Variants in RSRC1 observed in about 807,000 individuals in gnomAD.
RSRC1 encodes the protein arginine and serine rich coiled-coil 1.
In RSRC1, 39 loss-of-function variants were observed where a neutral mutation model predicts 49.1. The ratio of observed to expected loss-of-function variants is 0.79; its 90% CI spans 0.61 to 1.04. The LOEUF is 1.04. RSRC1 is among the 50% of genes least tolerant of loss of function. The pLI is 0.00. For missense variants in RSRC1, 388 were observed against 402.4 expected, an observed-to-expected ratio of 0.96 and a Z score of 0.31; for synonymous variants, 143 against 130.8, an observed-to-expected ratio of 1.09 and a Z score of -0.63.
At chr3:158,348,556 GT>G (rs1170879403) in intron 5 of RSRC1, among the ~76,000 whole-genome samples, 3 of 149,786 alleles carry the variant, frequency 2.0e-5, no homozygotes, top group African/African-American at 7.3e-5. Flanking sequence ...AATCTTAGAA[GT>G]TTTTGTGTGT....
At chr3:158,490,734 G>T (rs571583573) in intron 7 of RSRC1, among the ~76,000 whole-genome samples, 1 of 152,162 alleles carries the variant, frequency 6.6e-6, no homozygotes, top group Admixed American at 6.5e-5. Flanking sequence ...TGAATGGAGA[G>T]AAATTTGTGC....
At chr3:158,424,473 C>T (rs1156404951) in intron 6 of RSRC1, among the ~76,000 whole-genome samples, 18 of 150,542 alleles carry the variant, frequency 1.2e-4, no homozygotes, top group South Asian at 6.4e-4. Context: ...CTGCTGGATT[C>T]GGTTTGCCAG....
intron 7 of RSRC1, among the ~76,000 whole-genome samples, chr3:158,510,981 C>G (rs1740135339): frequency 6.6e-6 from 1 of 152,038 alleles, no homozygotes; most frequent in South Asian, 2.1e-4. Context: ...AGAATAATGT[C>G]TTTATGATAT....
chr3:158,291,635 AT>A (rs1199512463), intron 4 of RSRC1, among the ~76,000 whole-genome samples: 2 of 152,228 alleles, frequency 1.3e-5, no homozygotes, highest in Non-Finnish European at 2.9e-5. Flanking sequence ...CTAAGCTAAT[AT>A]TTTGACAAAT....
intron 4 of RSRC1, among the ~76,000 whole-genome samples, chr3:158,227,894 G>A (rs1722614947): frequency 6.6e-6 from 1 of 151,946 alleles, no homozygotes; most frequent in Admixed American, 6.6e-5. Context: ...TAGGCAGTGG[G>A]ACCACTTTGG....
chr3:158,233,309 A>C (rs746079336), intron 4 of RSRC1, among the ~76,000 whole-genome samples: 7 of 152,134 alleles, frequency 4.6e-5, no homozygotes, highest in Non-Finnish European at 7.4e-5. Context: ...AGTTAAACTT[A>C]GTAGGAAGCT....
At chr3:158,194,831 A>AT (rs1429020956) in intron 3 of RSRC1, among the ~76,000 whole-genome samples, 7 of 152,024 alleles carry the variant, frequency 4.6e-5, no homozygotes, top group Admixed American at 2.0e-4. Flanking sequence ...TGAACTCATC[A>AT]TTTTTTATGG....
chr3:158,499,743 A>G (rs1025513735), intron 7 of RSRC1, among the ~76,000 whole-genome samples: 2 of 152,128 alleles, frequency 1.3e-5, no homozygotes, highest in Admixed American at 1.3e-4. Flanking sequence ...GAATTATTTT[A>G]TCGGTTCTAG....
intron 6 of RSRC1, among the ~76,000 whole-genome samples, chr3:158,359,459 G>C (rs1371823924): frequency 6.6e-6 from 1 of 152,132 alleles, no homozygotes; most frequent in Non-Finnish European, 1.5e-5. Context: ...CGGATCTTTG[G>C]GGTGTTGCTT....
At chr3:158,525,870 CT>C (rs941123451) in intron 7 of RSRC1, among the ~76,000 whole-genome samples, 2 of 151,806 alleles carry the variant, frequency 1.3e-5, no homozygotes, top group African/African-American at 4.8e-5. Flanking sequence ...CTGTGGTTGT[CT>C]GGGGGTCAGG....
At chr3:158,148,460 A>G (rs1404942384) in intron 3 of RSRC1, among the ~76,000 whole-genome samples, 2 of 152,084 alleles carry the variant, frequency 1.3e-5, no homozygotes, top group Non-Finnish European at 2.9e-5. Flanking sequence ...CAATAGTGTT[A>G]GATTAGGAGT....
chr3:158,516,317 ACAGGACCCT>A (rs1395271899), intron 7 of RSRC1, among the ~76,000 whole-genome samples: 45 of 151,856 alleles, frequency 3.0e-4, no homozygotes, highest in African/African-American at 1.1e-3. Flanking sequence ...CTTCTAACAG[ACAGGACCCT>A]CAGCTGCAGG....
Position 158,248,841 on chromosome 3 carries a change from G to A in RSRC1, c.494+45596G>A, listed in dbSNP as rs180761944. Among the ~76,000 whole-genome samples, 550 of 152,094 alleles carry A rather than the reference G, an allele frequency of 3.6e-3. 6 individuals are homozygous for A. The highest frequency in any genetic ancestry group is 3.4e-3 in the Middle Eastern group (1 of 294). On this transcript the variant is annotated intron_variant, in intron 4 of 9. Transcript: ENST00000611884. Reference sequence around the variant, plus strand: ...TCAAGCTGTTTGCCTCAAGTGATCCGCCTGCCCAGCTTAGGTTAACTTTTT... The same window carrying A: ...TCAAGCTGTTTGCCTCAAGTGATCCACCTGCCCAGCTTAGGTTAACTTTTT...
intron 7 of RSRC1, among the ~76,000 whole-genome samples, chr3:158,517,814 G>A (rs1312572162): frequency 7.7e-6 from 1 of 129,530 alleles, no homozygotes; most frequent in African/African-American, 3.1e-5. Context: ...GGTCTGACCA[G>A]GTTGGTCTTG....
intron 1 of RSRC1, among the ~76,000 whole-genome samples, chr3:158,112,305 A>G (rs893533686): frequency 2.0e-5 from 3 of 152,228 alleles, no homozygotes; most frequent in Non-Finnish European, 4.4e-5. Flanking sequence ...GGACTATGTA[A>G]TATAAATTGA....
At chr3:158,446,791 C>T (rs1181150951) in intron 6 of RSRC1, among the ~76,000 whole-genome samples, 1 of 151,966 alleles carries the variant, frequency 6.6e-6, no homozygotes, top group Non-Finnish European at 1.5e-5. Context: ...ACAGAACGTG[C>T]CTCTTCATTA....
At chr3:158,233,997 C>CA (rs1370822331) in intron 4 of RSRC1, among the ~76,000 whole-genome samples, 1 of 152,134 alleles carries the variant, frequency 6.6e-6, no homozygotes, top group African/African-American at 2.4e-5. Context: ...ATCCCTTATC[C>CA]AAGCTGTACA....
intron 1 of RSRC1, among the ~76,000 whole-genome samples, chr3:158,114,648 C>T (rs1714669148): frequency 6.6e-6 from 1 of 152,018 alleles, no homozygotes; most frequent in African/African-American, 2.4e-5. Context: ...AACGTTTTTC[C>T]ACTTGTTTGT....
At chr3:158,242,340 A>G (rs1043651088) in intron 4 of RSRC1, among the ~76,000 whole-genome samples, 16 of 152,074 alleles carry the variant, frequency 1.1e-4, no homozygotes, top group Non-Finnish European at 1.0e-4. Context: ...GCTGAGGACA[A>G]TGACTTCCAG....
Sources: gnomAD v4.1 joint callset for allele counts (sites outside exome capture counted in the v4.1 genomes callset) on GRCh38, gnomAD v4.1.1 for gene constraint, MANE v1.5 for transcripts, NCBI Gene and HGNC (gene_info 2026-07-23, HGNC 2026-07-21) for gene names.